The following CCDC7 variants were observed in gnomAD, a reference collection of about 807,000 sequenced individuals.
The protein encoded by CCDC7 is coiled-coil domain-containing protein 7.
CCDC7 carries 183 observed loss-of-function variants against 196.9 expected under a neutral mutation model. The ratio of observed to expected loss-of-function variants is 0.93; its 90% CI spans 0.82 to 1.05. The LOEUF (loss-of-function observed/expected upper bound fraction) is 1.05, where lower values mean the gene tolerates loss of function less well. CCDC7 is among the 50% of genes least tolerant of loss of function. The pLI is 0.00. For synonymous variants in CCDC7, 525 were observed against 484.6 expected (o/e 1.08, Z -1.10); for missense variants, 1,540 against 1,482.2 (o/e 1.04, Z -0.64).
At chr10:32,612,879 T>TTC (rs199754637) in intron 18 of CCDC7, among the ~76,000 whole-genome samples, 5,052 of 147,098 alleles carry the variant, frequency 0.034, 284 homozygotes, top group African/African-American at 0.12. Context: ...AAATTTTCTT[T>TTC]GTTTTTTTTT....
At chr10:32,587,101 A>G (rs1461988609) in intron 18 of CCDC7, among the ~76,000 whole-genome samples, 3 of 152,206 alleles carry the variant, frequency 2.0e-5, no homozygotes, top group Admixed American at 1.3e-4. Flanking sequence ...ATCTTTAAGT[A>G]TACAATTCAG....
At chr10:32,508,664 C>G (rs537340789) in intron 9 of CCDC7, among the ~76,000 whole-genome samples, 14 of 152,178 alleles carry the variant, frequency 9.2e-5, no homozygotes, top group African/African-American at 3.1e-4. Flanking sequence ...ACTCTGTCGC[C>G]CAGGCTGGAG....
chr10:32,735,063 C>T (rs963145976), intron 28 of CCDC7, among the ~76,000 whole-genome samples: 1 of 19,730 alleles, frequency 5.1e-5, no homozygotes, highest in Non-Finnish European at 5.0e-3. Context: ...GACAGAGGCT[C>T]TTGGTGCTAT....
chr10:32,453,485 G>T, intron 2 of CCDC7, 49 bp downstream of exon 3: 2 of 1,240,818 alleles, frequency 1.6e-6, no homozygotes, highest in Non-Finnish European at 2.1e-6. Flanking sequence ...GAAAAGGGTC[G>T]ATTTTCTTTT....
At chr10:32,544,211 A>G (rs1442803677) in intron 12 of CCDC7, 36 bp from the exon 14 acceptor site, 1 of 1,553,848 alleles carries the variant, frequency 6.4e-7, no homozygotes, top group Non-Finnish European at 8.8e-7. Flanking sequence ...GCATTTAAAA[A>G]TATCATGATG....
intron 13 of CCDC7, among the ~76,000 whole-genome samples, chr10:32,547,271 C>T (rs2052634434): frequency 6.6e-6 from 1 of 152,158 alleles, no homozygotes; most frequent in Non-Finnish European, 1.5e-5. Flanking sequence ...AAATGATCCT[C>T]CTGCCTCAGC....
chr10:32,633,696 A>ATATATATGTGTGTGTGTGTG lies in CCDC7; in HGVS notation c.1802-557_1802-556insATATATGTGTGTGTGTGTGT, dbSNP rs779341941. ...TTTAGCTTTGTGTATATATATATAT[A>ATATATATGTGTGTGTGTGTG]TGTGTGTGTGTGTGTGTGTGTGTGT... On this transcript the variant is annotated intron_variant, in intron 18 of 41. Transcript: ENST00000639629. 5.2e-5 allele frequency among the ~76,000 whole-genome samples: 7 copies of ATATATATGTGTGTGTGTGTG among 135,230 alleles called. No homozygotes were observed. The South Asian group carries it at 1.4e-3, about 26-fold the overall frequency. 88.7% of individuals were successfully genotyped at this position (135,230 alleles called of 152,430 possible).
intron 20 of CCDC7, among the ~76,000 whole-genome samples, chr10:32,649,686 A>G (rs2068386951): frequency 6.6e-6 from 1 of 152,104 alleles, no homozygotes; most frequent in South Asian, 2.1e-4. Flanking sequence ...ATAATCCCAT[A>G]TTTCTGGGAT....
At chr10:32,727,965 CCTCTG>C (rs2083364457) in intron 26 of CCDC7, among the ~76,000 whole-genome samples, 2 of 152,136 alleles carry the variant, frequency 1.3e-5, no homozygotes, top group Admixed American at 6.6e-5. Context: ...GCTGCTCTTG[CCTCTG>C]CAAGGGTGGT....
chr10:32,793,733 T>C (rs2083092267), intron 29 of CCDC7, among the ~76,000 whole-genome samples: 1 of 152,222 alleles, frequency 6.6e-6, no homozygotes, highest in African/African-American at 2.4e-5. Context: ...AGGTTTGTCA[T>C]ATTATTGATT....
chr10:32,799,817 G>A (rs1347663979), intron 29 of CCDC7, among the ~76,000 whole-genome samples: 1 of 152,202 alleles, frequency 6.6e-6, no homozygotes, highest in Non-Finnish European at 1.5e-5. Flanking sequence ...GGACCAGTGT[G>A]ATATCTTGTG....
intron 9 of CCDC7, among the ~76,000 whole-genome samples, chr10:32,510,296 G>T (rs557345667): frequency 1.1e-4 from 16 of 152,266 alleles, no homozygotes; most frequent in South Asian, 4.1e-4. Context: ...AGCTGAAAAG[G>T]TGTAGGCTAA....
intron 21 of CCDC7, among the ~76,000 whole-genome samples, chr10:32,666,211 T>C (rs2072672623): frequency 6.6e-6 from 1 of 151,696 alleles, no homozygotes. Flanking sequence ...TTATTCCCTT[T>C]GATTTACACT....
chr10:32,507,533 C>T (rs1336511548), intron 9 of CCDC7, among the ~76,000 whole-genome samples: 1 of 152,000 alleles, frequency 6.6e-6, no homozygotes, highest in Non-Finnish European at 1.5e-5. Flanking sequence ...TTACTGCAGC[C>T]TCTGCCTCCT....
chr10:32,768,832 A>G (rs372538019), intron 28 of CCDC7, among the ~76,000 whole-genome samples: 186 of 152,256 alleles, frequency 1.2e-3, no homozygotes, highest in Admixed American at 4.2e-3. Flanking sequence ...TTATTTGCAT[A>G]TATTGAACCA....
At chr10:32,800,185 TCAC>T (rs1486850552) in intron 29 of CCDC7, among the ~76,000 whole-genome samples, 142 of 152,290 alleles carry the variant, frequency 9.3e-4, no homozygotes, top group African/African-American at 3.3e-3. Flanking sequence ...GTGGTGGGAA[TCAC>T]CACCCCTGCA....
chr10:32,721,586 T>G (rs910258670), intron 25 of CCDC7, among the ~76,000 whole-genome samples: 8 of 152,096 alleles, frequency 5.3e-5, no homozygotes, highest in African/African-American at 1.7e-4. Flanking sequence ...AGCTGAATAG[T>G]CCCAATAGTC....
intron 8 of CCDC7, among the ~76,000 whole-genome samples, chr10:32,480,345 T>C (rs1053489352): frequency 6.6e-6 from 1 of 152,028 alleles, no homozygotes; most frequent in African/African-American, 2.4e-5. Context: ...TATTTAGAGA[T>C]AGGGTCTTGC....
chr10:32,456,142 A>T, intron 2 of CCDC7, 109 bp from the exon 4 acceptor site: 1 of 1,052,040 alleles, frequency 9.5e-7, no homozygotes, highest in South Asian at 3.5e-5. Flanking sequence ...TTGAAGGGAC[A>T]TAAATTACAC....
Sources: allele counts gnomAD v4.1 joint callset (sites outside exome capture counted in the v4.1 genomes callset), GRCh38; gene constraint gnomAD v4.1.1; transcripts MANE v1.5; gene names NCBI Gene and HGNC (gene_info 2026-07-23, HGNC 2026-07-21).